ARHGAP23: variants seen among roughly 807,000 people sequenced by gnomAD.
ARHGAP23 encodes Rho GTPase activating protein 23.
Under a neutral mutation model 136.3 loss-of-function variants are expected in ARHGAP23, and 34 were observed. The ratio of observed to expected loss-of-function variants is 0.25; its 90% CI spans 0.19 to 0.33. The LOEUF is 0.33. Ranked by LOEUF, ARHGAP23 falls within the 10% of genes least tolerant of loss-of-function variation. The probability of loss-of-function intolerance (pLI) is 1.00; values close to 1 mark genes in which losing one functional copy is unlikely to be tolerated. For missense variants in ARHGAP23, 1,808 were observed against 2,139.0 expected (o/e 0.85, Z 3.05); for synonymous variants, 832 against 920.5 (o/e 0.90, Z 1.74).
intron 1 of ARHGAP23, among the ~76,000 whole-genome samples, chr17:38,429,328 C>T (rs913554489): frequency 2.6e-5 from 4 of 152,250 alleles, no homozygotes; most frequent in Non-Finnish European, 4.4e-5. Context: ...CCATCAGGGC[C>T]ATTCCCTTAC....
chr17:38,489,933 G>A, intron 17 of ARHGAP23, 169 bp from the exon 18 acceptor site: 3 of 650,362 alleles, frequency 4.6e-6, no homozygotes, highest in Non-Finnish European at 8.4e-6. Flanking sequence ...TGCAGCTGTG[G>A]TGAGTGCAGC....
At chr17:38,497,889 G>C (rs1439005618) in intron 21 of ARHGAP23, 63 bp downstream of exon 21, 2 of 1,511,926 alleles carry the variant, frequency 1.3e-6, no homozygotes, top group Admixed American at 3.9e-5. Flanking sequence ...CAGTCCTTGG[G>C]GGTGGGGCAG....
intron 1 of ARHGAP23, among the ~76,000 whole-genome samples, chr17:38,420,101 T>G (rs893966067): frequency 1.3e-5 from 2 of 152,196 alleles, no homozygotes; most frequent in African/African-American, 4.8e-5. Context: ...GAGTGTGGGC[T>G]GGGCTCAGTG....
At chr17:38,451,914 C>G (rs12949887) in intron 1 of ARHGAP23, 1 of 152,548 alleles carries the variant, frequency 6.6e-6, no homozygotes, top group East Asian at 1.9e-4. Flanking sequence ...CGCTCTCCCC[C>G]TAAGCTCTCC....
chr17:38,505,473 GC>G (rs1385221776), intron 23 of ARHGAP23, among the ~76,000 whole-genome samples: 3 of 152,072 alleles, frequency 2.0e-5, no homozygotes, highest in Admixed American at 6.5e-5. Context: ...GATTTCCCCG[GC>G]CCTGCCCTAT....
chr17:38,486,456 C>T (rs1206545775), intron 17 of ARHGAP23, among the ~76,000 whole-genome samples: 1 of 151,278 alleles, frequency 6.6e-6, no homozygotes, highest in Non-Finnish European at 1.5e-5. Flanking sequence ...ACTGGTGTTG[C>T]ACTCCTGGGC....
In ARHGAP23 at chr17:38,512,057, C is replaced by G. The variant is rs545210611; in HGVS notation, c.*1085C>G. 4.6e-4 allele frequency: 70 copies of G among 152,362 alleles called. No individual in the cohort carries two copies. The highest frequency in any genetic ancestry group is 1.5e-3 in the African/African-American group (63 of 41,562). The allele number at this position is 152,362 out of a possible 1,614,324, so 9.4% of individuals were successfully genotyped here. On this transcript the variant is annotated 3_prime_UTR_variant, in exon 24 of 24. Transcript: ENST00000622683. ...CAGGGAAGCCCAGGTAGGTGGTGAA[C>G]CCGCTGCCACGTCTATCAGTCCTCT...
chr17:38,490,218 G>T, intron 18 of ARHGAP23, 43 bp downstream of exon 18: 3 of 1,533,520 alleles, frequency 2.0e-6, no homozygotes, highest in Non-Finnish European at 2.7e-6. Flanking sequence ...TGGGGCAGCT[G>T]CCTGAGCACC....
At position 38,479,798 on chromosome 17, in the gene ARHGAP23, C is replaced by A. The variant is rs770374106; in HGVS notation, c.2544C>A (p.Arg848=). Residue 848 remains arginine, a synonymous_variant, in exon 14 of 24, where the codon CGC becomes CGA. Transcript: ENST00000622683. The part of the protein sequence containing the change: ...PKADSSPKGS[R]GLGGLKSEFL... ...CTGATTCCTCCCCCAAAGGCTCTCG[C>A]GGCCTGGGGGGCCTCAAGTCTGAGT... 5 of 1,517,786 alleles carry A rather than the reference C, an allele frequency of 3.3e-6. No individual in the cohort carries two copies. The African/African-American group carries it at 5.6e-5, about 17-fold the overall frequency. 94.0% of individuals were successfully genotyped at this position (1,517,786 alleles called of 1,614,324 possible).
At chr17:38,499,628 C>T (rs1441117512) in intron 22 of ARHGAP23, among the ~76,000 whole-genome samples, 2 of 152,126 alleles carry the variant, frequency 1.3e-5, no homozygotes, top group African/African-American at 4.8e-5. Flanking sequence ...GGGGGTGGGA[C>T]GGCAGAGAGG....
chr17:38,438,154 C>A lies in ARHGAP23; in HGVS notation c.63+9606C>A, dbSNP rs568183913. 1.4e-4 allele frequency among the ~76,000 whole-genome samples: 21 copies of A among 152,262 alleles called. No individual in the cohort carries two copies. The East Asian group carries it at 4.1e-3, about 29-fold the overall frequency. ...TGGCCAACATGGTGAAACCCCATCT[C>A]TACTAAAAATACAAAAATTAGCTGG... is the stretch of plus-strand genomic sequence containing the variant. On this transcript the variant is annotated intron_variant, in intron 1 of 23. Transcript: ENST00000622683.
intron 14 of ARHGAP23, among the ~76,000 whole-genome samples, chr17:38,480,752 C>T (rs574915955): frequency 2.1e-5 from 3 of 143,436 alleles, no homozygotes; most frequent in South Asian, 2.3e-4. Context: ...TGCAGTGAGC[C>T]GAGATCACAC....
intron 23 of ARHGAP23, among the ~76,000 whole-genome samples, chr17:38,505,649 C>T (rs1394128283): frequency 1.3e-4 from 20 of 152,174 alleles, no homozygotes; most frequent in Non-Finnish European, 5.9e-5. Flanking sequence ...TCAGAGGAGG[C>T]CAAGCATGGT....
intron 1 of ARHGAP23, among the ~76,000 whole-genome samples, chr17:38,420,114 C>T (rs541069494): frequency 5.9e-5 from 9 of 152,260 alleles, no homozygotes; most frequent in East Asian, 1.9e-4. Flanking sequence ...GCTCAGTGGG[C>T]GGGGATGAAG....
rs955404595 is a variant in ARHGAP23, at chr17:38,498,517, G to T, written c.3415+7G>T. 1.6e-5 allele frequency: 25 copies of T among 1,540,212 alleles called. No individual in the cohort carries two copies. Among genetic ancestry groups the T allele is most frequent in the Admixed American group, 1.6e-4 (8 of 49,948 alleles). On this transcript the variant is annotated splice_region_variant and intron_variant, in intron 22 of 23. Transcript: ENST00000622683. The stretch of plus-strand genomic sequence containing the variant: ...CCTGGCGACCCGGGGTCAGGTGAGC[G>T]CAGGGGCCTGGGAGTGGGGAGGCGG...
upstream of ARHGAP23, among the ~76,000 whole-genome samples, chr17:38,424,667 T>C (rs1415342460): frequency 6.6e-6 from 1 of 152,168 alleles, no homozygotes; most frequent in Non-Finnish European, 1.5e-5. Flanking sequence ...GACCCACGGT[T>C]TAAGCAGCCT....
Position 38,464,830 on chromosome 17 carries a change from G to A in ARHGAP23, c.484-1337G>A, listed in dbSNP as rs540027861. On this transcript the variant is annotated intron_variant, in intron 6 of 23. Coordinates refer to ENST00000622683, the MANE Select transcript of ARHGAP23 (RefSeq NM_001199417.2). ...CATCTGGGGGCCTCCACTGGCCCCC[G>A]CATCTCTGCCAGCCGGAGGGTGGGG... 5.3e-4 allele frequency among the ~76,000 whole-genome samples: 80 copies of A among 152,314 alleles called. 1 individual carries two copies. The highest frequency in any genetic ancestry group is 3.4e-3 in the Middle Eastern group (1 of 294).
chr17:38,440,032 C>T (rs897256257), intron 1 of ARHGAP23, among the ~76,000 whole-genome samples: 2 of 125,416 alleles, frequency 1.6e-5, no homozygotes, highest in African/African-American at 6.1e-5. Flanking sequence ...CCAGTCGGAA[C>T]TTTTTTTTTT....
upstream of ARHGAP23, among the ~76,000 whole-genome samples, chr17:38,426,199 AG>A (rs2038568013): frequency 6.6e-6 from 1 of 151,940 alleles, no homozygotes; most frequent in South Asian, 2.1e-4. Context: ...CTGGAGCTAC[AG>A]GGCAGAAAGA....
Sources: gnomAD v4.1 joint callset for allele counts (sites outside exome capture counted in the v4.1 genomes callset) on GRCh38, gnomAD v4.1.1 for gene constraint, MANE v1.5 for transcripts, NCBI Gene and HGNC (gene_info 2026-07-23, HGNC 2026-07-21) for gene names.